NBEAL1: variants seen among roughly 807,000 people sequenced by gnomAD.
NBEAL1 encodes the protein neurobeachin like 1.
NBEAL1 carries 273 observed loss-of-function variants against 351.3 expected under a neutral mutation model. The ratio of observed to expected loss-of-function variants is 0.78; its 90% CI spans 0.70 to 0.86. The LOEUF is 0.86. NBEAL1 is among the 40% of genes least tolerant of loss of function. NBEAL1 has a pLI of 0.00. For synonymous variants in NBEAL1, 1,050 were observed against 1,086.4 expected, an observed-to-expected ratio of 0.97 and a Z score of 0.66; for missense variants, 2,961 against 3,201.3, an observed-to-expected ratio of 0.92 and a Z score of 1.81.
intron 10 of NBEAL1, 25 bp downstream of exon 10, chr2:203,084,594 CTTTGAT>C: frequency 7.6e-7 from 1 of 1,323,588 alleles, no homozygotes; most frequent in Non-Finnish European, 1.0e-6. Flanking sequence ...TTGTTGTTGT[CTTTGAT>C]TTTAAGAAGC....
chr2:203,210,442 A>C (rs542260403), intron 53 of NBEAL1, among the ~76,000 whole-genome samples: 1 of 151,514 alleles, frequency 6.6e-6, no homozygotes, highest in Admixed American at 6.6e-5. Flanking sequence ...TGGGCGGATC[A>C]CAAGGTCAGG....
At chr2:203,117,223 G>C (rs1174612128) in intron 18 of NBEAL1, among the ~76,000 whole-genome samples, 1 of 152,070 alleles carries the variant, frequency 6.6e-6, no homozygotes, top group African/African-American at 2.4e-5. Context: ...CCAGCACTTT[G>C]GGAGACCGAG....
intron 6 of NBEAL1, 117 bp downstream of exon 6, chr2:203,057,570 T>G (rs995982551): frequency 5.5e-5 from 42 of 767,974 alleles, no homozygotes; most frequent in Non-Finnish European, 7.0e-5. Flanking sequence ...GACCCACAGA[T>G]TTAACTCTGA....
intron 46 of NBEAL1, chr2:203,190,792 T>G: frequency 6.2e-7 from 1 of 1,610,938 alleles, no homozygotes; most frequent in East Asian, 2.2e-5. Flanking sequence ...GCCGCCGAAG[T>G]TCGACCCCAA....
chr2:203,184,012 AG>A (rs1163962732), intron 44 of NBEAL1, among the ~76,000 whole-genome samples: 1 of 139,038 alleles, frequency 7.2e-6, no homozygotes, highest in Non-Finnish European at 1.5e-5. Flanking sequence ...CAGGAGGCTG[AG>A]GTTGCAGTGA....
At chr2:203,155,753 A>C (rs947054439) in intron 35 of NBEAL1, among the ~76,000 whole-genome samples, 3 of 152,052 alleles carry the variant, frequency 2.0e-5, no homozygotes, top group Non-Finnish European at 4.4e-5. Context: ...CAGCCTGTAA[A>C]TATATTTCTT....
At chr2:203,197,593 A>G (rs957057642) in intron 48 of NBEAL1, among the ~76,000 whole-genome samples, 1 of 152,188 alleles carries the variant, frequency 6.6e-6, no homozygotes, top group African/African-American at 2.4e-5. Flanking sequence ...ACATTTGCTC[A>G]GAAAATAAAA....
At chr2:203,097,991 A>G (rs2062220177) in intron 11 of NBEAL1, among the ~76,000 whole-genome samples, 1 of 152,122 alleles carries the variant, frequency 6.6e-6, no homozygotes, top group Admixed American at 6.5e-5. Flanking sequence ...CTTTGTGAAT[A>G]TGTATGGTCA....
Position 203,215,861 on chromosome 2 carries a change from A to G in NBEAL1, c.8071-1392A>G, listed in dbSNP as rs200733693. 6.6e-4 allele frequency among the ~76,000 whole-genome samples: 100 copies of G among 152,012 alleles called. No individual in the cohort carries two copies. In the East Asian group the frequency reaches 0.018, roughly 27 times the overall value. Reference sequence around the variant, plus strand: ...CCCTGTCTCTACTAAAAATACAAAAATTAGCTAAGCATGATGGTATGTTCC... The same window carrying G: ...CCCTGTCTCTACTAAAAATACAAAAGTTAGCTAAGCATGATGGTATGTTCC... On this transcript the variant is annotated intron_variant, in intron 55 of 55. Transcript: ENST00000683969.
At chr2:203,198,314 C>T (rs147931141) in intron 48 of NBEAL1, among the ~76,000 whole-genome samples, 155 of 151,978 alleles carry the variant, frequency 1.0e-3, no homozygotes, top group African/African-American at 3.4e-3. Flanking sequence ...TTTCGTTTGT[C>T]GGGGGTTGCT....
chr2:203,108,164 G>C lies in NBEAL1; in HGVS notation c.1925G>C (p.Gly642Ala). The C allele has an allele frequency of 6.5e-7, 1 of 1,550,238 alleles. No homozygotes were observed. The highest frequency in any genetic ancestry group is 8.7e-7 in the Non-Finnish European group (1 of 1,145,980). ...DQLTLGIANK[G>A]GKRKQLYSFF... is the part of the protein sequence containing the mutation. ...TTGACTCTTGGCATTGCTAACAAAG[G>C]AGGGAAAAGGAAACAATTGTACAGG... Residue 642 changes from glycine to alanine, a missense_variant, in exon 14 of 56, where the codon GGA (glycine) becomes GCA (alanine). Transcript: ENST00000683969.
rs1333628313 is a variant in NBEAL1, at chr2:203,107,651, G to C, written c.1412G>C (p.Ser471Thr). 3 of 1,552,428 alleles carry C rather than the reference G, an allele frequency of 1.9e-6. No homozygotes were observed. The highest frequency in any genetic ancestry group is 1.7e-6 in the Non-Finnish European group (2 of 1,147,178). Residue 471 changes from serine to threonine, a missense_variant, in exon 14 of 56, where the codon AGT becomes ACT. By Grantham distance (58) the Ser-to-Thr change is moderately conservative. Coordinates refer to ENST00000683969, the MANE Select transcript of NBEAL1 (RefSeq NM_001378026.1). The stretch of plus-strand genomic sequence containing the variant: ...ACTTCAGTTGGGATTTTGGGCATTA[G>C]TAATGTCCAACCTCTCTTGCTTCTT... The part of the protein sequence containing the change: ...DHTSVGILGI[S>T]NVQPLLLLIQ...
intron 12 of NBEAL1, among the ~76,000 whole-genome samples, chr2:203,106,858 G>A (rs1419603539): frequency 6.6e-6 from 1 of 152,030 alleles, no homozygotes; most frequent in Non-Finnish European, 1.5e-5. Context: ...GGTGCCTACT[G>A]GTTCAAAAAT....
rs1444432723 is a variant in NBEAL1 at position 203,016,447 on chromosome 2, C to A, written c.51+12C>A. ...TTTATTGTACAAAGGTAATTGCTTT[C>A]CTTTTTATTTTTATGTTTTAAAATA... On this transcript the variant is annotated intron_variant, in intron 2 of 55. Coordinates refer to ENST00000683969, the MANE Select transcript of NBEAL1 (RefSeq NM_001378026.1). The A allele has an allele frequency of 2.1e-6, 3 of 1,416,170 alleles. No homozygotes were observed. Among genetic ancestry groups the A allele is most frequent in the Non-Finnish European group, 2.8e-6 (3 of 1,060,182 alleles). 87.7% of individuals were successfully genotyped at this position (1,416,170 alleles called of 1,614,324 possible).
intron 7 of NBEAL1, 62 bp from the exon 8 acceptor site, chr2:203,077,690 G>A (rs2061801082): frequency 1.0e-5 from 10 of 986,842 alleles, no homozygotes; most frequent in African/African-American, 1.7e-5. Flanking sequence ...ACATTCCTTA[G>A]AGATAAATCA....
intron 7 of NBEAL1, among the ~76,000 whole-genome samples, chr2:203,076,350 T>TA (rs919175115): frequency 2.6e-5 from 4 of 151,750 alleles, no homozygotes; most frequent in Non-Finnish European, 5.9e-5. Context: ...ATGGTCATGG[T>TA]AGCGTGTGCC....
At chr2:203,192,588 G>A (rs1304186507) in intron 46 of NBEAL1, among the ~76,000 whole-genome samples, 1 of 152,004 alleles carries the variant, frequency 6.6e-6, no homozygotes, top group East Asian at 1.9e-4. Context: ...GTTTTGCCAT[G>A]TTGGGCAGGC....
intron 33 of NBEAL1, among the ~76,000 whole-genome samples, chr2:203,147,178 G>GA (rs2063535076): frequency 6.6e-6 from 1 of 151,722 alleles, no homozygotes; most frequent in Non-Finnish European, 1.5e-5. Flanking sequence ...AGTAAGAATA[G>GA]AAAAAATATA....
At chr2:203,058,203 A>G (rs897594682) in intron 6 of NBEAL1, among the ~76,000 whole-genome samples, 8 of 151,974 alleles carry the variant, frequency 5.3e-5, no homozygotes, top group Non-Finnish European at 1.0e-4. Flanking sequence ...GAGACTAAAT[A>G]TTTTTATTTT....
Sources: gnomAD v4.1 joint callset for allele counts (sites outside exome capture counted in the v4.1 genomes callset) on GRCh38, gnomAD v4.1.1 for gene constraint, MANE v1.5 for transcripts, NCBI Gene and HGNC (gene_info 2026-07-23, HGNC 2026-07-21) for gene names.